CSMD1: variants seen among roughly 807,000 people sequenced by gnomAD.
CSMD1 encodes CUB and sushi domain-containing protein 1.
Under a neutral mutation model 417.5 loss-of-function variants are expected in CSMD1, and 213 were observed. The observed-to-expected ratio is 0.51, with a 90% confidence interval of 0.46 to 0.57. CSMD1 has a LOEUF of 0.57. Ranked by LOEUF, CSMD1 falls within the 20% of genes least tolerant of loss-of-function variation. The pLI, the probability that CSMD1 is intolerant of heterozygous loss-of-function variation, is 0.00. For synonymous variants in CSMD1, 2,862 were observed against 1,736.8 expected, an observed-to-expected ratio of 1.65 and a Z score of -16.11; for missense variants, 6,923 against 4,529.7, an observed-to-expected ratio of 1.53 and a Z score of -15.17.
chr8:4,943,063 G>C (rs764839564), intron 1 of CSMD1, among the ~76,000 whole-genome samples: 2 of 152,120 alleles, frequency 1.3e-5, no homozygotes, highest in Admixed American at 6.5e-5. Flanking sequence ...AGACATGAAA[G>C]TAATTGTTCA....
At chr8:4,859,567 A>C (rs1043243430) in intron 1 of CSMD1, among the ~76,000 whole-genome samples, 1 of 152,196 alleles carries the variant, frequency 6.6e-6, no homozygotes, top group Non-Finnish European at 1.5e-5. Context: ...TTACAAGAAA[A>C]AAACAAACAA....
intron 5 of CSMD1, among the ~76,000 whole-genome samples, chr8:3,880,057 CTTTTT>C (rs143414158): frequency 6.7e-6 from 1 of 149,036 alleles, no homozygotes; most frequent in African/African-American, 2.5e-5. Context: ...AAAAGATTTT[CTTTTT>C]TTTTTGACTG....
chr8:3,588,602 C>T (rs1252327138), intron 8 of CSMD1, among the ~76,000 whole-genome samples: 1 of 152,122 alleles, frequency 6.6e-6, no homozygotes. Context: ...CTTTTTCATG[C>T]ATTTTTTTCC....
intron 23 of CSMD1, among the ~76,000 whole-genome samples, chr8:3,310,714 A>T (rs921811477): frequency 1.3e-5 from 2 of 152,150 alleles, no homozygotes; most frequent in Non-Finnish European, 2.9e-5. Context: ...AGGGCCGCCC[A>T]TGCTAACAGG....
chr8:3,922,451 C>G (rs2975325), intron 5 of CSMD1, among the ~76,000 whole-genome samples: 35,745 of 151,808 alleles, frequency 0.24, 5,234 homozygotes, highest in African/African-American at 0.4. Context: ...TTAATATATT[C>G]TGTTCTGTTT....
chr8:4,417,240 C>T (rs2128937996), intron 3 of CSMD1, among the ~76,000 whole-genome samples: 1 of 152,100 alleles, frequency 6.6e-6, no homozygotes, highest in Middle Eastern at 3.4e-3. Context: ...AATTCAATGA[C>T]TGAACACGTT....
chr8:4,301,301 C>A (rs958796943), intron 3 of CSMD1, among the ~76,000 whole-genome samples: 20 of 152,186 alleles, frequency 1.3e-4, no homozygotes, highest in Admixed American at 1.3e-3. Flanking sequence ...TTGAGCATCC[C>A]AAAATACCAG....
At chr8:3,392,422 G>C (rs1262717312) in intron 17 of CSMD1, among the ~76,000 whole-genome samples, 5 of 152,080 alleles carry the variant, frequency 3.3e-5, no homozygotes, top group Non-Finnish European at 5.9e-5. Context: ...AAGGGTGCTA[G>C]ACGGGGTTAC....
intron 49 of CSMD1, among the ~76,000 whole-genome samples, chr8:3,083,976 T>G (rs957286121): frequency 6.6e-6 from 1 of 152,058 alleles, no homozygotes; most frequent in Admixed American, 6.6e-5. Flanking sequence ...CATTCTATTT[T>G]TCGTTATTAC....
intron 3 of CSMD1, among the ~76,000 whole-genome samples, chr8:4,196,257 C>T (rs549847939): frequency 2.5e-4 from 38 of 152,140 alleles, no homozygotes; most frequent in Non-Finnish European, 5.1e-4. Context: ...TCTGCTGTGT[C>T]AAGCCACTCT....
chr8:3,324,159 CGGG>C (rs1806349055), intron 23 of CSMD1, among the ~76,000 whole-genome samples: 1 of 119,354 alleles, frequency 8.4e-6, no homozygotes, highest in Admixed American at 8.1e-5. Context: ...CCCAGAGACT[CGGG>C]AGGGGGAGTT....
intron 3 of CSMD1, among the ~76,000 whole-genome samples, chr8:4,167,012 T>A (rs1183465434): frequency 6.6e-6 from 1 of 152,168 alleles, no homozygotes; most frequent in African/African-American, 2.4e-5. Flanking sequence ...GTTTGTGAAA[T>A]CTTTTTGTGT....
At chr8:3,846,072 T>A (rs569603346) in intron 5 of CSMD1, among the ~76,000 whole-genome samples, 324 of 145,206 alleles carry the variant, frequency 2.2e-3, no homozygotes, top group African/African-American at 7.8e-3. Context: ...AAAAAAAAAA[T>A]AATAAGCAGC....
At chr8:4,567,875 T>C (rs1466672735) in intron 2 of CSMD1, among the ~76,000 whole-genome samples, 2 of 152,194 alleles carry the variant, frequency 1.3e-5, no homozygotes, top group Non-Finnish European at 2.9e-5. Context: ...TGAGTAAGAA[T>C]ATTTAGTCTT....
chr8:4,942,219 C>T (rs900508320), intron 1 of CSMD1, among the ~76,000 whole-genome samples: 20 of 152,252 alleles, frequency 1.3e-4, no homozygotes, highest in African/African-American at 4.1e-4. Context: ...CACATATAAA[C>T]CAGGCTTCAC....
At chr8:4,443,617 A>C (rs1798610699) in intron 2 of CSMD1, among the ~76,000 whole-genome samples, 1 of 152,224 alleles carries the variant, frequency 6.6e-6, no homozygotes, top group Non-Finnish European at 1.5e-5. Flanking sequence ...CTTCGCATTC[A>C]AAGAATGTAC....
At chr8:3,830,177 T>G (rs1585058105) in intron 5 of CSMD1, among the ~76,000 whole-genome samples, 1 of 152,184 alleles carries the variant, frequency 6.6e-6, no homozygotes, top group Non-Finnish European at 1.5e-5. Context: ...TCCATGAAGC[T>G]GATTTATGAA....
chr8:4,020,365 T>C (rs1796726877), intron 4 of CSMD1, among the ~76,000 whole-genome samples: 1 of 152,196 alleles, frequency 6.6e-6, no homozygotes, highest in Non-Finnish European at 1.5e-5. Context: ...CTGCAAGATG[T>C]TGTATTTCAT....
chr8:4,123,329 C>T (rs868839761), intron 3 of CSMD1, among the ~76,000 whole-genome samples: 1 of 152,310 alleles, frequency 6.6e-6, no homozygotes, highest in East Asian at 1.9e-4. Flanking sequence ...AGATGCATGC[C>T]AATTAGTAGG....
Sources: allele counts gnomAD v4.1 joint callset (sites outside exome capture counted in the v4.1 genomes callset), GRCh38; gene constraint gnomAD v4.1.1; transcripts MANE v1.5; gene names NCBI Gene and HGNC (gene_info 2026-07-23, HGNC 2026-07-21).